Variants in ODF2 observed in about 807,000 individuals in gnomAD.
The protein encoded by ODF2 is outer dense fiber of sperm tails 2, also known as outer dense fiber protein 2.
A neutral mutation model predicts 110.2 loss-of-function variants in ODF2; 47 were observed. The observed-to-expected ratio is 0.43, with a 90% CI of 0.34 to 0.54. ODF2 has a LOEUF of 0.54. ODF2 is among the 20% of genes least tolerant of loss of function. The pLI is 0.03. For synonymous variants in ODF2, 352 were observed against 397.7 expected, an observed-to-expected ratio of 0.89 and a Z score of 1.37; for missense variants, 812 against 1,054.5, an observed-to-expected ratio of 0.77 and a Z score of 3.19.
At chr9:128,480,628 C>G (rs1019071785) in intron 8 of ODF2, among the ~76,000 whole-genome samples, 1 of 152,100 alleles carries the variant, frequency 6.6e-6, no homozygotes, top group Non-Finnish European at 1.5e-5. Context: ...ACCAGCCTGG[C>G]TAACATGGTG....
chr9:128,498,310 GC>G, intron 18 of ODF2, 102 bp from the exon 19 acceptor site: 1 of 1,395,232 alleles, frequency 7.2e-7, no homozygotes, highest in East Asian at 2.8e-5. Context: ...GAGATTCTTG[GC>G]ATGATGAGAT....
chr9:128,492,015 G>A (rs1396304506), intron 14 of ODF2, among the ~76,000 whole-genome samples: 2 of 151,890 alleles, frequency 1.3e-5, no homozygotes, highest in Non-Finnish European at 2.9e-5. Context: ...ACAGGCGCCC[G>A]CCACCACGCC....
chr9:128,466,325 A>G (rs777711248), intron 4 of ODF2, among the ~76,000 whole-genome samples: 1 of 151,712 alleles, frequency 6.6e-6, no homozygotes, highest in Non-Finnish European at 1.5e-5. Context: ...AAATTAGCCC[A>G]GTGTGGTGGT....
At chr9:128,489,907 G>A (rs920052732) in intron 14 of ODF2, among the ~76,000 whole-genome samples, 10 of 152,230 alleles carry the variant, frequency 6.6e-5, no homozygotes, top group African/African-American at 2.4e-4. Context: ...AAGGATAACA[G>A]TTGCTCCTTG....
At chr9:128,475,989 C>T (rs1044441257) in intron 8 of ODF2, among the ~76,000 whole-genome samples, 1 of 151,960 alleles carries the variant, frequency 6.6e-6, no homozygotes, top group African/African-American at 2.4e-5. Flanking sequence ...GTCATGTGGT[C>T]TTTCTGGGCC....
exon 8 of ODF2, chr9:128,473,717 C>T (rs142032693): frequency 2.5e-6 from 4 of 1,613,546 alleles, no homozygotes; most frequent in Non-Finnish European, 3.4e-6. Context: ...TCCGAGACCT[C>T]CTGAGGGAAC....
chr9:128,456,079 T>A (rs1408119805), upstream of ODF2: 8 of 1,528,626 alleles, frequency 5.2e-6, no homozygotes, highest in Non-Finnish European at 5.3e-6. Flanking sequence ...CCCGGGGGGG[T>A]TTGAACTGGC....
chr9:128,466,869 C>T (rs1316301689), intron 4 of ODF2, among the ~76,000 whole-genome samples: 12 of 144,302 alleles, frequency 8.3e-5, no homozygotes, highest in Non-Finnish European at 1.5e-4. Context: ...CTCAGCTACT[C>T]GGGAGGCTGA....
At chr9:128,466,589 G>C (rs1837969510) in intron 4 of ODF2, among the ~76,000 whole-genome samples, 1 of 150,818 alleles carries the variant, frequency 6.6e-6, no homozygotes, top group African/African-American at 2.4e-5. Context: ...GCTGCCCCTG[G>C]CTTTTGTCTA....
intron 4 of ODF2, among the ~76,000 whole-genome samples, chr9:128,464,904 G>A (rs71481345): frequency 0.98 from 74,284 of 75,640 alleles, 36,512 homozygotes; most frequent in Non-Finnish European, 1. Context: ...CGTTTTAGCC[G>A]GGATGGTCTT....
Position 128,460,459 on chromosome 9 carries a change from G to A in ODF2, c.124-483G>A, listed in dbSNP as rs552432285. On this transcript the variant is annotated intron_variant, in intron 3 of 20. Coordinates refer to ENST00000604420, the Ensembl canonical transcript of ODF2. ...GCTCGCTTGGTGGCTAGGCTTTTTG[G>A]TGGCCCCCAGAGGCTGTGAGCTCTG... The A allele has an allele frequency of 6.5e-6, 10 of 1,546,086 alleles. No homozygotes were observed. The African/African-American group carries it at 1.4e-4, about 21-fold the overall frequency.
At chr9:128,499,458 T>C (rs550363149) in intron 20 of ODF2, among the ~76,000 whole-genome samples, 27 of 152,042 alleles carry the variant, frequency 1.8e-4, no homozygotes, top group African/African-American at 6.3e-4. Context: ...CCTGGCTACT[T>C]TTTTGTGTGT....
intron 6 of ODF2, among the ~76,000 whole-genome samples, chr9:128,472,382 A>G (rs899553180): frequency 3.3e-5 from 5 of 152,106 alleles, no homozygotes; most frequent in Non-Finnish European, 7.4e-5. Flanking sequence ...TAACTTTTGT[A>G]TTTTTAGTAG....
chr9:128,459,323 A>G (rs1835795067), intron 2 of ODF2, among the ~76,000 whole-genome samples: 1 of 152,208 alleles, frequency 6.6e-6, no homozygotes, highest in Non-Finnish European at 1.5e-5. Flanking sequence ...AAGGGTCATA[A>G]TACATGTGAT....
intron 13 of ODF2, among the ~76,000 whole-genome samples, chr9:128,486,429 G>C (rs535479558): frequency 6.6e-5 from 10 of 152,222 alleles, no homozygotes; most frequent in African/African-American, 2.2e-4. Context: ...TTAAGTGTGA[G>C]TAGGAGTTTG....
At chr9:128,470,998 C>T (rs971588191) in intron 5 of ODF2, among the ~76,000 whole-genome samples, 1 of 151,730 alleles carries the variant, frequency 6.6e-6, no homozygotes, top group Non-Finnish European at 1.5e-5. Flanking sequence ...ACTGCAACCT[C>T]TGGCTCCTGG....
rs201143811 is a variant in ODF2, at chr9:128,459,536, C to T, written c.33-31C>T. ...AATATAAGATTGCCCTAGTTTTCTG[C>T]TTACAATCTGGTTCTTGTGCCTGGG... On this transcript the variant is annotated intron_variant, in intron 2 of 20. Transcript: ENST00000604420. 7.7e-6 allele frequency: 12 copies of T among 1,564,204 alleles called. No individual in the cohort carries two copies. In the East Asian group the frequency reaches 2.5e-4, roughly 32 times the overall value.
At chr9:128,458,867 CG>C (rs1835663681) in intron 2 of ODF2, among the ~76,000 whole-genome samples, 4 of 151,982 alleles carry the variant, frequency 2.6e-5, no homozygotes, top group Admixed American at 2.0e-4. Context: ...TGTTTTGAAA[CG>C]GGGTCTCCCT....
chr9:128,484,870 T>G, exon 12 of ODF2: 1 of 1,613,532 alleles, frequency 6.2e-7, no homozygotes, highest in Middle Eastern at 1.7e-4. Flanking sequence ...CAGCTACACG[T>G]GCAACTCGCT....
Sources: gnomAD v4.1 joint callset for allele counts (sites outside exome capture counted in the v4.1 genomes callset) on GRCh38, gnomAD v4.1.1 for gene constraint, MANE v1.5 for transcripts, NCBI Gene and HGNC (gene_info 2026-07-23, HGNC 2026-07-21) for gene names.